CUEDC2: variants seen among roughly 807,000 people sequenced by gnomAD.
CUEDC2 encodes CUE domain-containing protein 2.
CUEDC2 carries 10 observed loss-of-function variants against 36.0 expected under a neutral mutation model. The observed-to-expected ratio is 0.28, with a 90% CI of 0.17 to 0.47. The LOEUF (loss-of-function observed/expected upper bound fraction) is 0.47. Ranked by LOEUF, CUEDC2 falls within the 20% of genes least tolerant of loss-of-function variation. The pLI is 0.99. For missense variants in CUEDC2, 269 were observed against 368.1 expected (o/e 0.73, Z 2.20); for synonymous variants, 133 against 141.8 (o/e 0.94, Z 0.44).
chr10:102,424,597 C>T lies in CUEDC2; in HGVS notation c.219-37G>A, dbSNP rs1589906923. On this transcript the variant is annotated intron_variant, in intron 3 of 8. Coordinates refer to ENST00000369937, the MANE Select transcript of CUEDC2 (RefSeq NM_024040.3). This position sits in a 1 kb window ranked among gnomAD's most constrained non-coding sequence, Gnocchi z 4.2. ...AGGGCAGTGAGAGGATGACTCTGCC[C>T]ACCCCATAATCAGCCAGCCCCTTCC... 6 of 1,614,048 alleles carry T rather than the reference C, an allele frequency of 3.7e-6. No homozygotes were observed. In the Admixed American group the frequency reaches 1.0e-4, roughly 27 times the overall value.
chr10:102,429,420 T>C (rs2061608708), intron 1 of CUEDC2, among the ~76,000 whole-genome samples: 1 of 151,846 alleles, frequency 6.6e-6, no homozygotes, highest in Non-Finnish European at 1.5e-5. Context: ...GTCACCTAGT[T>C]CAGCATCTAT....
Position 102,424,184 on chromosome 10 carries a change from G to A in CUEDC2, c.412-6C>T, listed in dbSNP as rs750386906. 2.5e-6 allele frequency: 4 copies of A among 1,612,950 alleles called. No homozygotes were observed. The highest frequency in any genetic ancestry group is 2.7e-5 in the African/African-American group (2 of 74,864). On this transcript the variant is annotated splice_polypyrimidine_tract_variant and splice_region_variant and intron_variant, in intron 5 of 8. Transcript: ENST00000369937. The surrounding 1 kb of genome is among the most constrained non-coding windows in gnomAD (Gnocchi z 4.2). ...TCCTCCTCAGCGCCAGTTGCCTAAG[G>A]GTACAAACGTTAACAAGAGGCAATA...
At chr10:102,428,744 C>T (rs1277764868) in intron 1 of CUEDC2, among the ~76,000 whole-genome samples, 1 of 151,908 alleles carries the variant, frequency 6.6e-6, no homozygotes. Flanking sequence ...TATTTTTAGG[C>T]CAGGCACGGA....
At position 102,423,410 on chromosome 10, in the gene CUEDC2, G is replaced by T; in HGVS notation, c.*16C>A. ...GATCTGAGCCTAGAAGGCTCGGGCA[G>T]AGTCCGGCGAGTGCCTCAATGGAAG... is the stretch of plus-strand genomic sequence containing the variant. On this transcript the variant is annotated 3_prime_UTR_variant, in exon 9 of 9. Coordinates refer to ENST00000369937, the MANE Select transcript of CUEDC2 (RefSeq NM_024040.3). The surrounding 1 kb of genome is among the most constrained non-coding windows in gnomAD (Gnocchi z 5.6). 3.1e-6 allele frequency: 5 copies of T among 1,614,204 alleles called. No homozygotes were observed. Among genetic ancestry groups the T allele is most frequent in the Non-Finnish European group, 4.2e-6 (5 of 1,180,038 alleles).
At chr10:102,431,087 ATAACTC>A (rs2061615183) in intron 1 of CUEDC2, among the ~76,000 whole-genome samples, 2 of 152,190 alleles carry the variant, frequency 1.3e-5, no homozygotes, top group Non-Finnish European at 2.9e-5. Flanking sequence ...AATCCTTACA[ATAACTC>A]TAAAATGTAG....
At chr10:102,426,807 GT>G (rs1411761401) in intron 1 of CUEDC2, among the ~76,000 whole-genome samples, 1 of 151,360 alleles carries the variant, frequency 6.6e-6, no homozygotes, top group Non-Finnish European at 1.5e-5. Context: ...TGTTGTTGTT[GT>G]TTGTTTGTTT....
rs751938662 is a variant in CUEDC2, at chr10:102,423,699, G to A, written c.675C>T (p.Ser225=). The A allele has an allele frequency of 1.6e-5, 26 of 1,614,048 alleles. No homozygotes were observed. Among genetic ancestry groups the A allele is most frequent in the African/African-American group, 5.3e-5 (4 of 74,924 alleles). Residue 225 remains serine (S), a synonymous_variant, in exon 8 of 9, where the codon AGC becomes AGT. Transcript: ENST00000369937. This position sits in a 1 kb window ranked among gnomAD's most constrained non-coding sequence, Gnocchi z 5.6. The part of the protein sequence containing the change: ...FILQKYMMVD[S]AEDQKIHRPM... ...GCCGGTGAATCTTCTGATCCTCTGCGCTATCCACCATCATGTACCTGTCAA... is the reference window on the plus strand; with the variant it reads ...GCCGGTGAATCTTCTGATCCTCTGCACTATCCACCATCATGTACCTGTCAA...
chr10:102,430,131 CT>C (rs10654228), intron 1 of CUEDC2, among the ~76,000 whole-genome samples: 1,426 of 137,538 alleles, frequency 0.01, 26 homozygotes, highest in African/African-American at 0.037. Context: ...CCCAGGTTTT[CT>C]TTTTTTTTTT....
Position 102,424,337 on chromosome 10 carries a change from G to C in CUEDC2, c.338C>G (p.Pro113Arg), listed in dbSNP as rs1457596695. 1 of 1,614,140 alleles carries C rather than the reference G, an allele frequency of 6.2e-7. No individual in the cohort carries two copies. The highest frequency in any genetic ancestry group is 1.3e-5 in the African/African-American group (1 of 75,034). ...VQGQVPISPE[P>R]LQRPEMLKEE... Reference sequence around the variant, plus strand: ...TTTGAGCATTTCGGGCCGCTGCAGGGGCTCTGGGGAGATGGGCACCTGACC... The same window carrying C: ...TTTGAGCATTTCGGGCCGCTGCAGGCGCTCTGGGGAGATGGGCACCTGACC... Residue 113 changes from proline (P) to arginine (R), a missense_variant, in exon 5 of 9, where the codon CCC (proline) becomes CGC (arginine). Pro to Arg is a moderately radical substitution (Grantham distance 103). Transcript: ENST00000369937. This position sits in a 1 kb window ranked among gnomAD's most constrained non-coding sequence, Gnocchi z 4.2.
In CUEDC2 at chr10:102,424,075, C is replaced by T. The variant is rs200060563; in HGVS notation, c.515G>A (p.Arg172Gln). The change falls in exon 6 of 9, where the codon CGG (arginine) becomes CAG (glutamine). Residue 172 changes from arginine to glutamine, a missense_variant. Coordinates refer to ENST00000369937, the MANE Select transcript of CUEDC2 (RefSeq NM_024040.3). This position sits in a 1 kb window ranked among gnomAD's most constrained non-coding sequence, Gnocchi z 4.2. ...CTGCACAGCTTCTTCCAAGTCCCCC[C>T]GAGCTTTGGCCAGCACCCACTGGGC... ...EQAQWVLAKARGDLEEAVQML... is the reference protein window; with the variant it reads ...EQAQWVLAKAQGDLEEAVQML... 1.5e-5 allele frequency: 25 copies of T among 1,614,152 alleles called. No individual in the cohort carries two copies. The Admixed American group carries it at 2.2e-4, about 14-fold the overall frequency.
In CUEDC2 at chr10:102,424,662, C is replaced by G; in HGVS notation, c.205G>C (p.Ala69Pro). Residue 69 changes from alanine (A) to proline (P), a missense_variant, in exon 3 of 9, where the codon GCC becomes CCC. Transcript: ENST00000369937. This position sits in a 1 kb window ranked among gnomAD's most constrained non-coding sequence, Gnocchi z 4.2. ...GCCAGAACCTACCTGGGGATGTGGG[C>G]GAAGCCAGGCACATAGGCCTCCATC... ...EMMEAYVPGF[A>P]HIPRGTIGDM... 6.2e-7 allele frequency: 1 copy of G among 1,614,184 alleles called. No individual in the cohort carries two copies. Among genetic ancestry groups the G allele is most frequent in the Admixed American group, 1.7e-5 (1 of 60,026 alleles).
At position 102,424,188 on chromosome 10, in the gene CUEDC2, C is replaced by T; in HGVS notation, c.412-10G>A. 1 of 1,612,980 alleles carries T rather than the reference C, an allele frequency of 6.2e-7. No homozygotes were observed. On this transcript the variant is annotated splice_polypyrimidine_tract_variant and intron_variant, in intron 5 of 8. Transcript: ENST00000369937. The surrounding 1 kb of genome is among the most constrained non-coding windows in gnomAD (Gnocchi z 4.2). ...CCTCAGCGCCAGTTGCCTAAGGGTA[C>T]AAACGTTAACAAGAGGCAATACTCC...
At position 102,424,370 on chromosome 10, in the gene CUEDC2, C is replaced by G. The variant is rs765147212; in HGVS notation, c.305G>C (p.Gly102Ala). 3.1e-6 allele frequency: 5 copies of G among 1,614,136 alleles called. No individual in the cohort carries two copies. In the Admixed American group the frequency reaches 6.7e-5, roughly 22 times the overall value. The change falls in exon 5 of 9, where the codon GGT (glycine) becomes GCT (alanine). Residue 102 changes from glycine (G) to alanine (A), a missense_variant. Transcript: ENST00000369937. The surrounding 1 kb of genome is among the most constrained non-coding windows in gnomAD (Gnocchi z 4.2). Reference sequence around the variant, plus strand: ...GGAGATGGGCACCTGACCTTGGACACCAGAGCTCTGCGGTTGCAGGTTCTC... The same window carrying G: ...GGAGATGGGCACCTGACCTTGGACAGCAGAGCTCTGCGGTTGCAGGTTCTC... The part of the protein sequence containing the change: ...NKENLQPQSS[G>A]VQGQVPISPE...
Position 102,423,361 on chromosome 10 carries a change from T to C in CUEDC2, c.*65A>G. On this transcript the variant is annotated 3_prime_UTR_variant, in exon 9 of 9. Transcript: ENST00000369937. The surrounding 1 kb of genome is among the most constrained non-coding windows in gnomAD (Gnocchi z 5.6). ...GAGTTAGGGGGCCCCTGTGTAGGGG[T>C]ATAGGGCTCCTGCATCCCTCTGGGA... 6.2e-7 allele frequency: 1 copy of C among 1,603,086 alleles called. No individual in the cohort carries two copies. Among genetic ancestry groups the C allele is most frequent in the Non-Finnish European group, 8.5e-7 (1 of 1,171,664 alleles).
In CUEDC2 at chr10:102,424,777, G is replaced by C. The variant is rs2061589829; in HGVS notation, c.90C>G (p.Val30=). 6.2e-7 allele frequency: 1 copy of C among 1,613,336 alleles called. No homozygotes were observed. The highest frequency in any genetic ancestry group is 1.3e-5 in the African/African-American group (1 of 74,878). Residue 30 remains valine, a synonymous_variant, in exon 3 of 9, where the codon GTC becomes GTG. Coordinates refer to ENST00000369937, the MANE Select transcript of CUEDC2 (RefSeq NM_024040.3). This position sits in a 1 kb window ranked among gnomAD's most constrained non-coding sequence, Gnocchi z 4.2. ...GGACCCCAAGCACATAGGAGAAGAT[G>C]ACCTCATCCAAGCCACTGCAGGAAG... ...PEADLSGLDE[V]IFSYVLGVLE...
chr10:102,431,170 C>T (rs985690308), intron 1 of CUEDC2, among the ~76,000 whole-genome samples: 3 of 152,200 alleles, frequency 2.0e-5, no homozygotes, highest in African/African-American at 7.2e-5. Flanking sequence ...GACGGAGTCT[C>T]GCTCTGCCAT....
In CUEDC2 at chr10:102,425,156, G is replaced by C; in HGVS notation, c.33C>G (p.Leu11=). The C allele has an allele frequency of 1.9e-6, 3 of 1,613,940 alleles. No homozygotes were observed. Residue 11 remains leucine (L), a synonymous_variant, in exon 2 of 9, where the codon CTC becomes CTG. Coordinates refer to ENST00000369937, the MANE Select transcript of CUEDC2 (RefSeq NM_024040.3). ...GGAGGTGTGTCTGGACAAAGGCAAG[G>C]AGGGCTGCACTGACGATCCTCTCCA... The part of the protein sequence containing the change: MELERIVSAA[L]LAFVQTHLPE...
chr10:102,425,230 T>C (rs552397076), intron 1 of CUEDC2, 32 bp from the exon 2 acceptor site: 25 of 1,545,588 alleles, frequency 1.6e-5, no homozygotes, highest in African/African-American at 8.1e-5. Flanking sequence ...GGCCAGGCCT[T>C]CTTCTGCCTG....
rs542855091 is a variant in CUEDC2, at chr10:102,424,258, C to T, written c.411+6G>A. ...GTCCCTCATCGGTACCCTCCTCTAC[C>T]AGTACCTCATCTTGGGTGTCTGCAG... On this transcript the variant is annotated splice_donor_region_variant and intron_variant, in intron 5 of 8. Transcript: ENST00000369937. This position sits in a 1 kb window ranked among gnomAD's most constrained non-coding sequence, Gnocchi z 4.2. 8 of 1,613,192 alleles carry T rather than the reference C, an allele frequency of 5.0e-6. No individual in the cohort carries two copies. The South Asian group carries it at 6.6e-5, about 13-fold the overall frequency.
Sources: allele counts gnomAD v4.1 joint callset (sites outside exome capture counted in the v4.1 genomes callset), GRCh38; gene constraint gnomAD v4.1.1; non-coding constraint Gnocchi (gnomAD v3.1); transcripts MANE v1.5; gene names NCBI Gene and HGNC (gene_info 2026-07-23, HGNC 2026-07-21).